PRKN: variants seen among roughly 807,000 people sequenced by gnomAD.
The protein encoded by PRKN is E3 ubiquitin-protein ligase parkin.
In PRKN, 56 loss-of-function variants were observed where a neutral mutation model predicts 59.5. That is an observed-to-expected ratio of 0.94 (90% CI 0.76 to 1.18). PRKN has a LOEUF of 1.18. Ranked by LOEUF, PRKN falls within the 50% of genes most tolerant of loss-of-function variation. PRKN has a pLI of 0.00. For synonymous variants in PRKN, 250 were observed against 222.1 expected (o/e 1.13, Z -1.12); for missense variants, 657 against 596.4 (o/e 1.10, Z -1.06).
At chr6:161,853,887 G>T (rs969280240) in intron 6 of PRKN, among the ~76,000 whole-genome samples, 1 of 152,042 alleles carries the variant, frequency 6.6e-6, no homozygotes, top group Non-Finnish European at 1.5e-5. Context: ...GAGTGACAAG[G>T]TTTCAAGTGG....
At chr6:162,608,515 G>T (rs1341372377) in intron 1 of PRKN, among the ~76,000 whole-genome samples, 1 of 152,148 alleles carries the variant, frequency 6.6e-6, no homozygotes, top group African/African-American at 2.4e-5. Flanking sequence ...GAAAGAATGT[G>T]GTGATGACAC....
At chr6:162,120,625 C>T (rs1187112726) in intron 4 of PRKN, among the ~76,000 whole-genome samples, 2 of 152,166 alleles carry the variant, frequency 1.3e-5, no homozygotes, top group Non-Finnish European at 2.9e-5. Context: ...AGAAATGCAT[C>T]ACTTGGTTAT....
chr6:162,574,764 G>GTTTT lies in PRKN; in HGVS notation c.8-131292_8-131291insAAAA, dbSNP rs371613068. On this transcript the variant is annotated intron_variant, in intron 1 of 11. Transcript: ENST00000366898. ...CTTCAACAGCAGTGAATGATACTAA[G>GTTTT]TTGTTTTTTTTTTTTGCTGATTTGA... Among the ~76,000 whole-genome samples the GTTTT allele has an allele frequency of 3.2e-4, 28 of 86,324 alleles. 3 individuals are homozygous for GTTTT. Among genetic ancestry groups the GTTTT allele is most frequent in the Non-Finnish European group, 3.8e-4 (16 of 42,568 alleles). The allele number at this position is 86,324 out of a possible 152,430, so 56.6% of individuals were successfully genotyped here.
chr6:162,224,117 G>A (rs1466118381), intron 3 of PRKN, among the ~76,000 whole-genome samples: 1 of 151,646 alleles, frequency 6.6e-6, no homozygotes, highest in Non-Finnish European at 1.5e-5. Context: ...ATCTCTTAAC[G>A]ATATTTTATT....
At chr6:161,358,230 G>A (rs1441199902) in intron 11 of PRKN, among the ~76,000 whole-genome samples, 1 of 152,130 alleles carries the variant, frequency 6.6e-6, no homozygotes, top group African/African-American at 2.4e-5. Flanking sequence ...TCTTTATATA[G>A]GTATTGCCAA....
chr6:161,404,276 A>G (rs970591603), intron 9 of PRKN, among the ~76,000 whole-genome samples: 2 of 152,120 alleles, frequency 1.3e-5, no homozygotes, highest in Non-Finnish European at 2.9e-5. Context: ...GAGCTTAATA[A>G]AGGTTTATTC....
chr6:162,580,473 C>T (rs186975286), intron 1 of PRKN, among the ~76,000 whole-genome samples: 390 of 149,152 alleles, frequency 2.6e-3, no homozygotes, highest in Admixed American at 3.6e-3. Context: ...AAAATAACTT[C>T]AAGGAGGGAC....
At chr6:162,144,706 G>T (rs1237225340) in intron 4 of PRKN, among the ~76,000 whole-genome samples, 2 of 152,152 alleles carry the variant, frequency 1.3e-5, no homozygotes, top group Non-Finnish European at 2.9e-5. Flanking sequence ...CTAATTGACT[G>T]CTGAGAATTG....
intron 7 of PRKN, among the ~76,000 whole-genome samples, chr6:161,580,335 T>C (rs1329175362): frequency 6.6e-6 from 1 of 152,164 alleles, no homozygotes; most frequent in East Asian, 1.9e-4. Context: ...ACCAGGTGCC[T>C]CTAAAACACG....
chr6:161,756,801 G>C (rs187802098), intron 7 of PRKN, among the ~76,000 whole-genome samples: 1 of 152,048 alleles, frequency 6.6e-6, no homozygotes, highest in African/African-American at 2.4e-5. Flanking sequence ...TGAAAAGGAA[G>C]AACAAAGTTA....
At chr6:161,681,706 C>G (rs1373440935) in intron 7 of PRKN, among the ~76,000 whole-genome samples, 1 of 152,196 alleles carries the variant, frequency 6.6e-6, no homozygotes, top group East Asian at 1.9e-4. Context: ...CACTGGAGGA[C>G]CCTGTGTCAG....
At chr6:162,451,520 T>G (rs1257363519) in intron 1 of PRKN, among the ~76,000 whole-genome samples, 2 of 151,600 alleles carry the variant, frequency 1.3e-5, no homozygotes, top group Non-Finnish European at 2.9e-5. Context: ...AGCCCAGGAG[T>G]TTGAGATCAA....
chr6:162,358,080 G>GT (rs2128132993), intron 2 of PRKN, among the ~76,000 whole-genome samples: 1 of 152,192 alleles, frequency 6.6e-6, no homozygotes, highest in Non-Finnish European at 1.5e-5. Flanking sequence ...TAATAATAAC[G>GT]TATCAATATT....
chr6:162,648,492 C>T (rs1290931391), intron 1 of PRKN, among the ~76,000 whole-genome samples: 2 of 151,844 alleles, frequency 1.3e-5, no homozygotes, highest in African/African-American at 4.8e-5. Flanking sequence ...AGTGATTCTC[C>T]TGCCTCAGCC....
At chr6:162,453,119 G>C (rs1406252693) in intron 1 of PRKN, among the ~76,000 whole-genome samples, 1 of 152,084 alleles carries the variant, frequency 6.6e-6, no homozygotes, top group African/African-American at 2.4e-5. Flanking sequence ...GTACTGCATC[G>C]GGCCAGACTG....
At chr6:162,393,140 T>C (rs2128145665) in intron 2 of PRKN, among the ~76,000 whole-genome samples, 1 of 148,200 alleles carries the variant, frequency 6.7e-6, no homozygotes, top group East Asian at 2.0e-4. Flanking sequence ...TGATACTGGG[T>C]GAGGATAGGA....
At position 162,154,947 on chromosome 6, in the gene PRKN, C is replaced by A. The variant is rs184210624; in HGVS notation, c.534+46184G>T. Among the ~76,000 whole-genome samples the A allele has an allele frequency of 3.5e-3, 526 of 149,006 alleles. 3 individuals are homozygous for A. Among genetic ancestry groups the A allele is most frequent in the Middle Eastern group, 0.014 (4 of 290 alleles). ...GTTACCAAAATGAAGGACATTAATT[C>A]AACTCTGGATTTCAGGTGATGCAAA... On this transcript the variant is annotated intron_variant, in intron 4 of 11. Coordinates refer to ENST00000366898, the MANE Select transcript of PRKN (RefSeq NM_004562.3).
intron 5 of PRKN, among the ~76,000 whole-genome samples, chr6:162,015,518 A>G (rs987291693): frequency 1.3e-5 from 2 of 152,168 alleles, no homozygotes; most frequent in Non-Finnish European, 2.9e-5. Context: ...CTAATTTTCA[A>G]CAGGAATGGC....
At chr6:161,977,741 G>A (rs1056026872) in intron 5 of PRKN, among the ~76,000 whole-genome samples, 1 of 151,080 alleles carries the variant, frequency 6.6e-6, no homozygotes, top group Non-Finnish European at 1.5e-5. Context: ...TAGAGACGGG[G>A]TTTCACCATG....
Sources: allele counts gnomAD v4.1 joint callset (sites outside exome capture counted in the v4.1 genomes callset), GRCh38; gene constraint gnomAD v4.1.1; transcripts MANE v1.5; gene names NCBI Gene and HGNC (gene_info 2026-07-23, HGNC 2026-07-21).